The following WDR11 variants were observed in gnomAD, a reference collection of about 807,000 sequenced individuals.
WDR11 encodes the protein WD repeat domain 11.
Under a neutral mutation model 151.2 loss-of-function variants are expected in WDR11, and 83 were observed. The ratio of observed to expected loss-of-function variants is 0.55; its 90% confidence interval spans 0.46 to 0.66. The LOEUF (loss-of-function observed/expected upper bound fraction) is 0.66. Ranked by LOEUF, WDR11 falls within the 30% of genes least tolerant of loss-of-function variation. The probability of loss-of-function intolerance (pLI) is 0.00; values close to 1 mark genes in which losing one functional copy is unlikely to be tolerated. For synonymous variants in WDR11, 484 were observed against 533.1 expected (o/e 0.91, Z 1.27); for missense variants, 1,301 against 1,480.9 (o/e 0.88, Z 1.99).
At chr10:120,851,790 T>A in intron 1 of WDR11, 1 of 532,454 alleles carries the variant, frequency 1.9e-6, no homozygotes, top group Non-Finnish European at 3.4e-6. Context: ...TCCTCTCTCT[T>A]TTCCTCTCCT....
chr10:120,889,386 C>T (rs1400650167), intron 17 of WDR11: 4 of 523,888 alleles, frequency 7.6e-6, no homozygotes, highest in Non-Finnish European at 1.4e-5. Context: ...TACAGGCACC[C>T]ACCACCACGC....
chr10:120,898,850 G>C (rs903473256), intron 19 of WDR11, among the ~76,000 whole-genome samples: 2 of 145,960 alleles, frequency 1.4e-5, no homozygotes, highest in African/African-American at 5.1e-5. Context: ...GTCTCAGGTA[G>C]TTCTTTACAG....
rs1459621766 is a variant in WDR11, at chr10:120,909,012, TA to T, written c.*303del. 5.5e-6 allele frequency: 2 copies of T among 362,246 alleles called. No individual in the cohort carries two copies. The highest frequency in any genetic ancestry group is 4.1e-5 in the African/African-American group (2 of 48,536). The allele number at this position is 362,246 out of a possible 1,614,324, so 22.4% of individuals were successfully genotyped here. A position where few individuals can be genotyped will look rare whatever the true frequency, so the allele number is the denominator to read the frequency against. ...GAAATACTTTTTAATTTTTTTAACT[TA>T]AAATTCAAGAGACTGAATCACTTTT... On this transcript the variant is annotated 3_prime_UTR_variant, in exon 29 of 29. Coordinates refer to ENST00000263461, the MANE Select transcript of WDR11 (RefSeq NM_018117.12).
intron 15 of WDR11, 79 bp from the exon 16 acceptor site, chr10:120,886,610 T>C (rs1847227097): frequency 1.3e-6 from 2 of 1,565,004 alleles, no homozygotes. Context: ...GCGTCTGTAC[T>C]TTGGGCAAGT....
chr10:120,868,119 GT>G (rs1846378654), intron 9 of WDR11, among the ~76,000 whole-genome samples: 2 of 152,008 alleles, frequency 1.3e-5, no homozygotes, highest in African/African-American at 2.4e-5. Flanking sequence ...ATTTAGGAGG[GT>G]TTTTTTGTTG....
chr10:120,861,791 GA>G (rs35688582), intron 4 of WDR11, among the ~76,000 whole-genome samples: 46,009 of 151,894 alleles, frequency 0.3, 7,359 homozygotes, highest in East Asian at 0.42. Flanking sequence ...TGTTGAGGGA[GA>G]TTATTTTTTC....
chr10:120,887,226 T>G (rs7067719), intron 16 of WDR11, among the ~76,000 whole-genome samples: 47,178 of 151,978 alleles, frequency 0.31, 7,612 homozygotes, highest in East Asian at 0.42. Context: ...CCCTGAAGGA[T>G]TTGACTTACA....
At chr10:120,906,498 C>T in intron 27 of WDR11, 2 of 1,318,500 alleles carry the variant, frequency 1.5e-6, no homozygotes, top group South Asian at 1.6e-5. Flanking sequence ...CAACTCTGGA[C>T]AGGGGTACAT....
chr10:120,885,457 A>G (rs59367173), intron 14 of WDR11, among the ~76,000 whole-genome samples: 1 of 152,194 alleles, frequency 6.6e-6, no homozygotes, highest in Non-Finnish European at 1.5e-5. Flanking sequence ...GGAGGAATCT[A>G]TGGATGATAA....
intron 11 of WDR11, among the ~76,000 whole-genome samples, chr10:120,876,252 T>G (rs1039158334): frequency 6.6e-6 from 1 of 152,134 alleles, no homozygotes; most frequent in Non-Finnish European, 1.5e-5. Flanking sequence ...AGTGCTGGGA[T>G]TACAGGCGTG....
intron 4 of WDR11, among the ~76,000 whole-genome samples, chr10:120,861,951 C>T (rs189363165): frequency 5.9e-5 from 9 of 151,992 alleles, no homozygotes; most frequent in Non-Finnish European, 1.0e-4. Context: ...TCTTAAGGTT[C>T]GATCTGATGC....
In WDR11 at chr10:120,903,185, C is replaced by G. The variant is rs764994146; in HGVS notation, c.2884C>G (p.Pro962Ala). ...TGCTCCTCGAGACAAACTGAGCAAC[C>G]CACTGGATATATGCTATGACGTGCT... is the stretch of plus-strand genomic sequence containing the variant. ...EAAPRDKLSN[P>A]LDICYDVLCE... The change falls in exon 23 of 29, where the codon CCA (proline) becomes GCA (alanine). Residue 962 changes from proline (P) to alanine (A), a missense_variant. Physicochemically the swap from Pro to Ala is conservative, Grantham distance 27. Coordinates refer to ENST00000263461, the MANE Select transcript of WDR11 (RefSeq NM_018117.12). The G allele has an allele frequency of 3.1e-6, 5 of 1,614,022 alleles. No homozygotes were observed. In the African/African-American group the frequency reaches 6.7e-5, roughly 22 times the overall value.
chr10:120,875,733 C>T (rs371882143), intron 11 of WDR11, among the ~76,000 whole-genome samples: 9 of 151,890 alleles, frequency 5.9e-5, no homozygotes, highest in African/African-American at 2.2e-4. Context: ...TTGAACTCCT[C>T]ACCTCAAGTG....
chr10:120,862,766 A>G lies in WDR11; in HGVS notation c.558A>G (p.Ser186=). 6.2e-7 allele frequency: 1 copy of G among 1,614,158 alleles called. No homozygotes were observed. The highest frequency in any genetic ancestry group is 1.1e-5 in the South Asian group (1 of 91,084). Residue 186 remains serine, a synonymous_variant, in exon 5 of 29, where the codon TCA becomes TCG. Transcript: ENST00000263461. ...LLTSEGIVFI[S]DFSPSKPPSG... ...CCAGCGAGGGTATTGTTTTCATCTC[A>G]GACTTCTCCCCATCCAAGCCTCCCT...
chr10:120,880,366 CAGCTT>C (rs1846953636), intron 12 of WDR11: 2 of 155,300 alleles, frequency 1.3e-5, no homozygotes, highest in Admixed American at 1.3e-4. Context: ...TTATTAGAAA[CAGCTT>C]AGAAGGAACT....
Position 120,900,042 on chromosome 10 carries a change from C to T in WDR11, c.2529C>T (p.Cys843=). Reference sequence around the variant, plus strand: ...TTTGTTGTCTAGAGCCTGTGTGGTGCCCCTATCTCCTTGTTCCAAGGGCCT... The same window carrying T: ...TTTGTTGTCTAGAGCCTGTGTGGTGTCCCTATCTCCTTGTTCCAAGGGCCT... ...DEQELTEPVW[C]PYLLVPRASL... is the part of the protein sequence containing the mutation. The change falls in exon 20 of 29, where the codon TGC becomes TGT. Residue 843 remains cysteine, a synonymous_variant. Transcript: ENST00000263461. The T allele has an allele frequency of 6.2e-7, 1 of 1,613,700 alleles. No individual in the cohort carries two copies. Among genetic ancestry groups the T allele is most frequent in the Non-Finnish European group, 8.5e-7 (1 of 1,179,676 alleles).
At chr10:120,881,933 C>CAAAG in intron 13 of WDR11, among the ~76,000 whole-genome samples, 1 of 151,970 alleles carries the variant, frequency 6.6e-6, no homozygotes, top group Non-Finnish European at 1.5e-5. Flanking sequence ...TGATCCTGGA[C>CAAAG]CTTATGGAGA....
intron 11 of WDR11, 27 bp from the exon 12 acceptor site, chr10:120,878,326 T>C (rs944398300): frequency 7.9e-6 from 12 of 1,528,408 alleles, no homozygotes; most frequent in Non-Finnish European, 1.1e-5. Flanking sequence ...AGAATTAGTT[T>C]AACCTTTATC....
chr10:120,886,913 A>C lies in WDR11; in HGVS notation c.2121+77A>C, dbSNP rs1847239921. On this transcript the variant is annotated intron_variant, in intron 16 of 28. Transcript: ENST00000263461. ...TCCATATCCAGTGAAGGCATAGTTA[A>C]GTTGGAAACTTCAGAAAAGCCTAAT... The C allele has an allele frequency of 1.2e-5, 19 of 1,531,712 alleles. 1 individual carries two copies. The Middle Eastern group carries it at 5.0e-4, about 41-fold the overall frequency. 94.9% of individuals were successfully genotyped at this position (1,531,712 alleles called of 1,614,324 possible). A position where few individuals can be genotyped will look rare whatever the true frequency, so the allele number is the denominator to read the frequency against.
Sources: allele counts gnomAD v4.1 joint callset (sites outside exome capture counted in the v4.1 genomes callset), GRCh38; gene constraint gnomAD v4.1.1; transcripts MANE v1.5; gene names NCBI Gene and HGNC (gene_info 2026-07-23, HGNC 2026-07-21).